Variants in CDK12 observed in about 807,000 individuals in gnomAD.
CDK12 encodes cyclin-dependent kinase 12.
CDK12 carries 17 observed loss-of-function variants against 133.8 expected under a neutral mutation model. That is an observed-to-expected ratio of 0.13 (90% CI 0.09 to 0.19). CDK12 has a LOEUF of 0.19. CDK12 is among the 10% of genes least tolerant of loss of function. The pLI is 1.00. For missense variants in CDK12, 1,508 were observed against 1,818.7 expected (o/e 0.83, Z 3.11); for synonymous variants, 694 against 683.6 (o/e 1.02, Z -0.24).
chr17:39,503,352 C>T (rs930152123), intron 6 of CDK12, among the ~76,000 whole-genome samples: 35 of 152,166 alleles, frequency 2.3e-4, no homozygotes, highest in Non-Finnish European at 7.4e-5. Flanking sequence ...GTATTACAAG[C>T]GTGAGCCACT....
At chr17:39,481,523 T>C (rs961463891) in intron 2 of CDK12, among the ~76,000 whole-genome samples, 1 of 151,828 alleles carries the variant, frequency 6.6e-6, no homozygotes, top group African/African-American at 2.4e-5. Flanking sequence ...TTGCACAGGC[T>C]GGTCTCGAAC....
intron 6 of CDK12, among the ~76,000 whole-genome samples, chr17:39,501,990 G>A (rs1462955163): frequency 6.6e-6 from 1 of 151,056 alleles, no homozygotes; most frequent in Non-Finnish European, 1.5e-5. Context: ...GATTATAGGC[G>A]CCCGGCACCA....
At chr17:39,544,385 G>T (rs2055567053), upstream of CDK12, 2 of 472,232 alleles carry the variant, frequency 4.2e-6, no homozygotes, top group South Asian at 3.1e-5. Context: ...CCAATCAGAG[G>T]TCACTGGCCT....
intron 9 of CDK12, among the ~76,000 whole-genome samples, 190 bp downstream of exon 9, chr17:39,515,998 T>C (rs1255944443): frequency 6.6e-6 from 1 of 152,250 alleles, no homozygotes. Context: ...TTTCACCTAA[T>C]TTTTAGATCT....
chr17:39,559,514 C>G (rs545967281), intron 3 of CDK12, among the ~76,000 whole-genome samples: 23 of 152,168 alleles, frequency 1.5e-4, no homozygotes, highest in Admixed American at 9.2e-4. Flanking sequence ...CCTCCTTAAC[C>G]CTTGACACCA....
At chr17:39,507,370 T>A (rs1053199220) in intron 6 of CDK12, among the ~76,000 whole-genome samples, 1 of 150,648 alleles carries the variant, frequency 6.6e-6, no homozygotes, top group Non-Finnish European at 1.5e-5. Flanking sequence ...GCGGATCACC[T>A]GAGGTAGGGA....
upstream of CDK12, among the ~76,000 whole-genome samples, chr17:39,547,284 C>T (rs574066582): frequency 5.3e-4 from 80 of 152,016 alleles, no homozygotes; most frequent in Admixed American, 3.3e-3. Context: ...TACAGGCATG[C>T]GCCACTATGC....
intron 6 of CDK12, among the ~76,000 whole-genome samples, chr17:39,507,868 A>G (rs1216704313): frequency 1.3e-5 from 2 of 152,150 alleles, no homozygotes; most frequent in Non-Finnish European, 2.9e-5. Flanking sequence ...ACTTAATGTA[A>G]TGGTGTTTGG....
At chr17:39,472,149 A>T (rs1247789808) in intron 2 of CDK12, among the ~76,000 whole-genome samples, 1 of 151,412 alleles carries the variant, frequency 6.6e-6, no homozygotes, top group Non-Finnish European at 1.5e-5. Context: ...ATGCCTGGCT[A>T]ATTTTTGTGT....
intron 2 of CDK12, among the ~76,000 whole-genome samples, chr17:39,478,443 C>G (rs2050385022): frequency 1.3e-5 from 2 of 152,124 alleles, no homozygotes; most frequent in African/African-American, 4.8e-5. Flanking sequence ...ATCCACCTGC[C>G]TTGGCCTCCC....
chr17:39,501,584 A>G, intron 6 of CDK12, 145 bp downstream of exon 6: 1 of 569,592 alleles, frequency 1.8e-6, no homozygotes, highest in Middle Eastern at 4.7e-4. Flanking sequence ...TCAGTGTGGG[A>G]GAAACATACC....
downstream of CDK12, among the ~76,000 whole-genome samples, chr17:39,537,569 ATTT>A (rs1205629040): frequency 6.7e-6 from 1 of 150,240 alleles, no homozygotes; most frequent in Non-Finnish European, 1.5e-5. Flanking sequence ...TTATTTATTT[ATTT>A]ATTTATTTAT....
intron 3 of CDK12, among the ~76,000 whole-genome samples, chr17:39,563,354 G>C (rs768908184): frequency 5.9e-5 from 9 of 151,710 alleles, no homozygotes; most frequent in Non-Finnish European, 1.2e-4. Flanking sequence ...AGGTGGGCTA[G>C]GGATACCCAC....
At chr17:39,488,497 C>A (rs2051313741) in intron 2 of CDK12, among the ~76,000 whole-genome samples, 1 of 152,094 alleles carries the variant, frequency 6.6e-6, no homozygotes, top group African/African-American at 2.4e-5. Flanking sequence ...TTTTGACTTA[C>A]AACTTAGCTA....
chr17:39,486,420 C>G (rs2051138580), intron 2 of CDK12, among the ~76,000 whole-genome samples: 1 of 151,824 alleles, frequency 6.6e-6, no homozygotes, highest in South Asian at 2.1e-4. Flanking sequence ...TGCATGCCAC[C>G]ACTCCCAGCT....
chr17:39,512,745 T>C (rs558947605), intron 8 of CDK12, among the ~76,000 whole-genome samples: 13 of 152,358 alleles, frequency 8.5e-5, no homozygotes, highest in African/African-American at 3.1e-4. Context: ...TTGGCTGAAC[T>C]CAGGTCTAAA....
intron 2 of CDK12, among the ~76,000 whole-genome samples, chr17:39,486,769 G>A (rs543186901): frequency 1.8e-4 from 28 of 152,122 alleles, no homozygotes; most frequent in Non-Finnish European, 3.2e-4. Context: ...AGCACTTTGG[G>A]AGGCTGAGGT....
chr17:39,481,659 T>C (rs1167804870), intron 2 of CDK12, among the ~76,000 whole-genome samples: 2 of 16,758 alleles, frequency 1.2e-4, no homozygotes, highest in African/African-American at 3.0e-4. Flanking sequence ...TCTCTCTCTC[T>C]CTCTCTCTCT....
At chr17:39,486,296 C>G (rs1271187707) in intron 2 of CDK12, among the ~76,000 whole-genome samples, 1 of 127,928 alleles carries the variant, frequency 7.8e-6, no homozygotes, top group Non-Finnish European at 1.6e-5. Context: ...GAATCTTGCT[C>G]TGTCACTTAG....
Sources: allele counts gnomAD v4.1 joint callset (sites outside exome capture counted in the v4.1 genomes callset), GRCh38; gene constraint gnomAD v4.1.1; transcripts MANE v1.5; gene names NCBI Gene and HGNC (gene_info 2026-07-23, HGNC 2026-07-21).